The following GULP1 variants were observed in gnomAD, a reference collection of about 807,000 sequenced individuals.
GULP1 encodes PTB domain-containing engulfment adapter protein 1.
GULP1 carries 19 observed loss-of-function variants against 40.9 expected under a neutral mutation model. That is an observed-to-expected ratio of 0.46 (90% CI 0.32 to 0.68). The LOEUF is 0.68. Among genes scored for constraint, GULP1 ranks in the 30% least tolerant of loss-of-function variants. The pLI is 0.03. For synonymous variants in GULP1, 119 were observed against 117.6 expected (o/e 1.01, Z -0.08); for missense variants, 312 against 362.2 (o/e 0.86, Z 1.12).
intron 2 of GULP1, among the ~76,000 whole-genome samples, chr2:188,442,459 T>A (rs1006370653): frequency 6.6e-6 from 1 of 152,182 alleles, no homozygotes; most frequent in Non-Finnish European, 1.5e-5. Flanking sequence ...TAAAAAGGCA[T>A]TTAGATGTTA....
At chr2:188,514,853 C>G (rs1019249197) in intron 4 of GULP1, among the ~76,000 whole-genome samples, 4 of 152,134 alleles carry the variant, frequency 2.6e-5, no homozygotes, top group Admixed American at 2.0e-4. Flanking sequence ...AATTCCCTTT[C>G]GATCCATCTA....
chr2:188,339,706 T>C (rs1421998418), intron 1 of GULP1, among the ~76,000 whole-genome samples: 1 of 152,184 alleles, frequency 6.6e-6, no homozygotes, highest in African/African-American at 2.4e-5. Flanking sequence ...TATGGGTACA[T>C]GAAGGTTTAC....
intron 5 of GULP1, among the ~76,000 whole-genome samples, chr2:188,527,706 T>C (rs770224592): frequency 6.6e-6 from 1 of 152,078 alleles, no homozygotes; most frequent in Non-Finnish European, 1.5e-5. Flanking sequence ...CAAAATGGAA[T>C]AAAACAAATG....
chr2:188,454,661 C>CCAATT, intron 2 of GULP1, among the ~76,000 whole-genome samples: 1 of 152,160 alleles, frequency 6.6e-6, no homozygotes, highest in Non-Finnish European at 1.5e-5. Context: ...AGAGGACTTA[C>CCAATT]TGGTGAAAAG....
chr2:188,418,801 A>T (rs939423119), intron 2 of GULP1, among the ~76,000 whole-genome samples: 1 of 152,214 alleles, frequency 6.6e-6, no homozygotes, highest in Non-Finnish European at 1.5e-5. Flanking sequence ...CTATAGCTAC[A>T]ATGTTGTACA....
chr2:188,543,918 A>G (rs1691212902), intron 7 of GULP1, among the ~76,000 whole-genome samples: 1 of 152,148 alleles, frequency 6.6e-6, no homozygotes, highest in Non-Finnish European at 1.5e-5. Flanking sequence ...TTAGTAAGGC[A>G]CAAGACTGGA....
chr2:188,418,107 TAC>T (rs2054837919), intron 2 of GULP1, among the ~76,000 whole-genome samples: 1 of 152,068 alleles, frequency 6.6e-6, no homozygotes, highest in African/African-American at 2.4e-5. Context: ...AGCCACCACA[TAC>T]AGTCTGTTTT....
At chr2:188,321,344 CAATAGATGAAA>C (rs1268200006) in intron 1 of GULP1, among the ~76,000 whole-genome samples, 1 of 151,970 alleles carries the variant, frequency 6.6e-6, no homozygotes. Flanking sequence ...ATGGCATATC[CAATAGATGAAA>C]TGTTTTCTTT....
chr2:188,379,346 G>A (rs1331175752), intron 1 of GULP1, among the ~76,000 whole-genome samples: 1 of 152,174 alleles, frequency 6.6e-6, no homozygotes, highest in East Asian at 1.9e-4. Context: ...AATAAAAGGT[G>A]ATATGAATTC....
At chr2:188,441,444 CCCT>C (rs1298637974) in intron 2 of GULP1, among the ~76,000 whole-genome samples, 2 of 152,144 alleles carry the variant, frequency 1.3e-5, no homozygotes, top group Non-Finnish European at 2.9e-5. Flanking sequence ...CTGAGCTTTG[CCCT>C]CCTCTAAATC....
chr2:188,402,458 A>T (rs4666760), intron 2 of GULP1, among the ~76,000 whole-genome samples: 151,145 of 152,164 alleles, frequency 0.99, 75,076 homozygotes, highest in East Asian at 1. Flanking sequence ...TAATTTTGAA[A>T]AGACTCTAGT....
intron 1 of GULP1, among the ~76,000 whole-genome samples, chr2:188,307,364 A>C (rs2037275502): frequency 1.3e-5 from 2 of 152,128 alleles, no homozygotes. Flanking sequence ...AAAAAGTTAT[A>C]TGTTTTCAGA....
chr2:188,589,009 A>C (rs191361752), intron 11 of GULP1: 77 of 152,296 alleles, frequency 5.1e-4, no homozygotes, highest in African/African-American at 1.8e-3. Flanking sequence ...TTTTCAAAGA[A>C]TCTATTAAAA....
At chr2:188,340,381 C>T (rs1193442950) in intron 1 of GULP1, among the ~76,000 whole-genome samples, 1 of 152,276 alleles carries the variant, frequency 6.6e-6, no homozygotes, top group African/African-American at 2.4e-5. Flanking sequence ...ACAGGGGTGC[C>T]TTGCTTACTC....
intron 1 of GULP1, among the ~76,000 whole-genome samples, chr2:188,301,060 C>G (rs2036046569): frequency 6.6e-6 from 1 of 152,096 alleles, no homozygotes; most frequent in Non-Finnish European, 1.5e-5. Context: ...TGTCACCCAA[C>G]CCGGAGTGCA....
At chr2:188,566,926 CTTAT>C (rs1197747416) in intron 7 of GULP1, among the ~76,000 whole-genome samples, 1 of 147,388 alleles carries the variant, frequency 6.8e-6, no homozygotes, top group Non-Finnish European at 1.5e-5. Flanking sequence ...GGAACTTAAA[CTTAT>C]TTATAAGAAA....
chr2:188,293,106 T>C (rs2034144763), intron 1 of GULP1: 1 of 152,398 alleles, frequency 6.6e-6, no homozygotes, highest in Admixed American at 6.5e-5. Context: ...GGAACTAGCG[T>C]GCCAAGGTAG....
At chr2:188,426,971 G>T (rs1249524655) in intron 2 of GULP1, among the ~76,000 whole-genome samples, 1 of 152,148 alleles carries the variant, frequency 6.6e-6, no homozygotes, top group African/African-American at 2.4e-5. Flanking sequence ...GGTCTAGATG[G>T]AAATGAAGAA....
At chr2:188,562,736 T>A (rs986597209) in intron 7 of GULP1, among the ~76,000 whole-genome samples, 3 of 152,136 alleles carry the variant, frequency 2.0e-5, no homozygotes, top group African/African-American at 7.2e-5. Context: ...AGAGTATACT[T>A]TCCTTTTGAA....
Sources: gnomAD v4.1 joint callset for allele counts (sites outside exome capture counted in the v4.1 genomes callset) on GRCh38, gnomAD v4.1.1 for gene constraint, MANE v1.5 for transcripts, NCBI Gene and HGNC (gene_info 2026-07-23, HGNC 2026-07-21) for gene names.